The following GABRR1 variants were observed in gnomAD, a reference collection of about 807,000 sequenced individuals.
GABRR1 encodes the protein gamma-aminobutyric acid receptor subunit rho-1.
In GABRR1, 59 loss-of-function variants were observed where a neutral mutation model predicts 55.5. The observed-to-expected ratio is 1.06, with a 90% confidence interval of 0.86 to 1.32. The LOEUF is 1.32. Among genes scored for constraint, GABRR1 ranks in the 40% most tolerant of loss-of-function variants. GABRR1 has a pLI of 0.00. For missense variants in GABRR1, 602 were observed against 619.1 expected (o/e 0.97, Z 0.29); for synonymous variants, 213 against 226.0 (o/e 0.94, Z 0.51).
Position 89,198,021 on chromosome 6 carries a change from T to G in GABRR1, c.571A>C (p.Arg191=). Reference sequence around the variant, plus strand: ...TGAATGATCTGCCTTTCTTCCTACCTGAGACTATAGAGCACTTTCCCATCA... The same window carrying G: ...TGAATGATCTGCCTTTCTTCCTACCGGAGACTATAGAGCACTTTCCCATCA... The part of the protein sequence containing the change: ...QPDGKVLYSL[R]VTVTAMCNMD... The change falls in exon 5 of 10, where the codon AGG becomes CGG. Residue 191 remains arginine (R), a splice_region_variant and synonymous_variant. Coordinates refer to ENST00000454853, the MANE Select transcript of GABRR1 (RefSeq NM_002042.5). 6.2e-7 allele frequency: 1 copy of G among 1,612,296 alleles called. No homozygotes were observed. Among genetic ancestry groups the G allele is most frequent in the Non-Finnish European group, 8.5e-7 (1 of 1,178,334 alleles).
chr6:89,179,173 T>C, intron 9 of GABRR1, 110 bp from the exon 10 acceptor site: 3 of 1,114,442 alleles, frequency 2.7e-6, no homozygotes, highest in Non-Finnish European at 3.8e-6. Flanking sequence ...TATTCCCAGT[T>C]TGGGAAGAGG....
upstream of GABRR1, among the ~76,000 whole-genome samples, chr6:89,221,975 G>T (rs1329828638): frequency 6.6e-6 from 1 of 152,230 alleles, no homozygotes; most frequent in Non-Finnish European, 1.5e-5. Context: ...GGTCCAGACT[G>T]AAGGGAATCT....
At chr6:89,206,660 G>C (rs1772656792) in intron 1 of GABRR1, among the ~76,000 whole-genome samples, 1 of 151,570 alleles carries the variant, frequency 6.6e-6, no homozygotes, top group Admixed American at 6.6e-5. Flanking sequence ...TGTTGCCCAA[G>C]GCTGGAGTGC....
intron 2 of GABRR1, among the ~76,000 whole-genome samples, chr6:89,203,065 C>A (rs1772528707): frequency 6.6e-6 from 1 of 152,164 alleles, no homozygotes; most frequent in South Asian, 2.1e-4. Context: ...GGAGCCATTG[C>A]CATTTCTGAA....
chr6:89,192,211 C>T (rs1157201496), intron 5 of GABRR1, among the ~76,000 whole-genome samples: 3 of 152,112 alleles, frequency 2.0e-5, no homozygotes, highest in African/African-American at 7.2e-5. Context: ...GAAGCTGATA[C>T]TTTCTTTCCT....
chr6:89,202,626 A>T (rs1772513489), intron 2 of GABRR1, among the ~76,000 whole-genome samples: 1 of 151,818 alleles, frequency 6.6e-6, no homozygotes, highest in Admixed American at 6.6e-5. Context: ...TGTCTATCTG[A>T]CCAGAGTTTC....
intron 1 of GABRR1, among the ~76,000 whole-genome samples, chr6:89,215,617 T>C (rs891893760): frequency 6.6e-5 from 10 of 152,224 alleles, no homozygotes; most frequent in African/African-American, 2.4e-4. Flanking sequence ...CACAGCATGG[T>C]GACCACAGTT....
chr6:89,196,818 A>AGAAGGAAGGAAG (rs879582522), intron 5 of GABRR1, among the ~76,000 whole-genome samples: 2 of 106,700 alleles, frequency 1.9e-5, no homozygotes, highest in Non-Finnish European at 3.9e-5. Flanking sequence ...AAGAAAGAAA[A>AGAAGGAAGGAAG]GAAGGAAAGA....
rs200670024 is a variant in GABRR1 at position 89,190,195 on chromosome 6, T to C, written c.625A>G (p.Thr209Ala). Residue 209 changes from threonine (T) to alanine (A), a missense_variant, in exon 6 of 10, where the codon ACA becomes GCA. Coordinates refer to ENST00000454853, the MANE Select transcript of GABRR1 (RefSeq NM_002042.5). ...TCAATTTCAAGAGAGCACGTTTGTG[T>C]GTCCAAGGGAAATCGGCTGAAGTCC... is the stretch of plus-strand genomic sequence containing the variant. ...NMDFSRFPLDTQTCSLEIESY... is the reference protein window; with the variant it reads ...NMDFSRFPLDAQTCSLEIESY... The C allele has an allele frequency of 7.5e-5, 121 of 1,611,144 alleles. No homozygotes were observed. Among genetic ancestry groups the C allele is most frequent in the Admixed American group, 1.0e-4 (6 of 59,586 alleles).
Position 89,178,821 on chromosome 6 carries a change from A to G in GABRR1, c.1389T>C (p.Phe463=). The G allele has an allele frequency of 6.2e-7, 1 of 1,614,174 alleles. No homozygotes were observed. The highest frequency in any genetic ancestry group is 8.5e-7 in the Non-Finnish European group (1 of 1,179,992). The change falls in exon 10 of 10, where the codon TTT becomes TTC. Residue 463 remains phenylalanine, a synonymous_variant. Transcript: ENST00000454853. ...AATTGAATAAAATGTATGCTGCTGG[A>G]AAGATGATCCTGGAGTATTTATCAA... The part of the protein sequence containing the change: ...HAIDKYSRII[F]PAAYILFNLI...
intron 5 of GABRR1, among the ~76,000 whole-genome samples, chr6:89,195,097 T>C (rs935184383): frequency 6.6e-6 from 1 of 152,086 alleles, no homozygotes; most frequent in African/African-American, 2.4e-5. Context: ...TAGTAATCCA[T>C]CTGAAAGGTC....
At chr6:89,179,651 T>C (rs555451848) in intron 9 of GABRR1, among the ~76,000 whole-genome samples, 1 of 152,258 alleles carries the variant, frequency 6.6e-6, no homozygotes, top group East Asian at 1.9e-4. Flanking sequence ...TAAGCTGTTA[T>C]GAGCCCTTGA....
Position 89,178,811 on chromosome 6 carries a change from A to G in GABRR1, c.1399T>C (p.Tyr467His). ...KYSRIIFPAA[Y>H]ILFNLIYWSI... ...CAGTATATTAAATTGAATAAAATGT[A>G]TGCTGCTGGAAAGATGATCCTGGAG... Residue 467 changes from tyrosine (Y) to histidine (H), a missense_variant, in exon 10 of 10, where the codon TAC (tyrosine) becomes CAC (histidine). Coordinates refer to ENST00000454853, the MANE Select transcript of GABRR1 (RefSeq NM_002042.5). 6 of 1,614,114 alleles carry G rather than the reference A, an allele frequency of 3.7e-6. No individual in the cohort carries two copies. Among genetic ancestry groups the G allele is most frequent in the Non-Finnish European group, 5.1e-6 (6 of 1,179,948 alleles).
chr6:89,203,720 G>A (rs1772553135), intron 1 of GABRR1, among the ~76,000 whole-genome samples: 1 of 152,186 alleles, frequency 6.6e-6, no homozygotes, highest in Non-Finnish European at 1.5e-5. Context: ...GAAGAGGTCT[G>A]AGCTAAAATA....
At chr6:89,216,372 A>G (rs1246891402) in intron 1 of GABRR1, among the ~76,000 whole-genome samples, 1 of 152,222 alleles carries the variant, frequency 6.6e-6, no homozygotes, top group Non-Finnish European at 1.5e-5. Flanking sequence ...TTTGAAGCTA[A>G]GGCTAAGAAA....
At chr6:89,217,515 G>A, upstream of GABRR1, 2 of 500,410 alleles carry the variant, frequency 4.0e-6, no homozygotes, top group East Asian at 3.3e-5. Context: ...ATCCTCCTAC[G>A]TCAGATGTCA....
intron 1 of GABRR1, chr6:89,204,556 G>A: frequency 9.6e-7 from 1 of 1,038,488 alleles, no homozygotes; most frequent in East Asian, 6.3e-5. Context: ...GGGAATGAAA[G>A]AGGAGATTGG....
chr6:89,189,550 TA>T (rs1772020624), intron 6 of GABRR1, among the ~76,000 whole-genome samples: 1 of 138,960 alleles, frequency 7.2e-6, no homozygotes, highest in African/African-American at 2.7e-5. Flanking sequence ...TTGGGAGATA[TA>T]CCTAATGCTA....
chr6:89,222,618 T>C (rs1248625742), intron 1 of GABRR1, among the ~76,000 whole-genome samples: 1 of 152,238 alleles, frequency 6.6e-6, no homozygotes, highest in Non-Finnish European at 1.5e-5. Context: ...CCATCTGTAA[T>C]GTGCTCTTTT....
Sources: gnomAD v4.1 joint callset for allele counts (sites outside exome capture counted in the v4.1 genomes callset) on GRCh38, gnomAD v4.1.1 for gene constraint, MANE v1.5 for transcripts, NCBI Gene and HGNC (gene_info 2026-07-23, HGNC 2026-07-21) for gene names.